MBOAT7: variants seen among roughly 807,000 people sequenced by gnomAD.
MBOAT7 encodes membrane bound acylglycerophosphatidylinositol O-acyltransferase MBOAT7, also known as membrane-bound acylglycerophosphatidylinositol O-acyltransferase MBOAT7.
A neutral mutation model predicts 47.4 loss-of-function variants in MBOAT7; 40 were observed. That is an observed-to-expected ratio of 0.84 (90% CI 0.66 to 1.10). MBOAT7 has a LOEUF of 1.10. MBOAT7 is among the 50% of genes least tolerant of loss of function. MBOAT7 has a pLI of 0.00. For missense variants in MBOAT7, 680 were observed against 655.6 expected (o/e 1.04, Z -0.41); for synonymous variants, 361 against 292.0 (o/e 1.24, Z -2.41).
intron 6 of MBOAT7, chr19:54,179,995 A>G (rs1292995810): frequency 6.6e-6 from 1 of 152,236 alleles, no homozygotes. Flanking sequence ...AAGAGAGTCC[A>G]CAGCTATGGC....
intron 7 of MBOAT7, chr19:54,178,126 G>C: frequency 1.9e-6 from 1 of 519,822 alleles, no homozygotes; most frequent in Non-Finnish European, 2.5e-6. Context: ...TGGTCAGGCT[G>C]GTCTCGAACT....
chr19:54,175,068 C>T (rs1195079178), intron 7 of MBOAT7, among the ~76,000 whole-genome samples: 1 of 151,632 alleles, frequency 6.6e-6, no homozygotes, highest in Admixed American at 6.6e-5. Flanking sequence ...CTCCGCCTCC[C>T]AGGTTCACGC....
Position 54,175,969 on chromosome 19 carries a change from C to T in MBOAT7, c.1032-1538G>A, listed in dbSNP as rs369058336. Among the ~76,000 whole-genome samples, 52 of 152,266 alleles carry T rather than the reference C, an allele frequency of 3.4e-4. No homozygotes were observed. In the East Asian group the frequency reaches 5.2e-3, roughly 15 times the overall value. On this transcript the variant is annotated intron_variant, in intron 7 of 7. Coordinates refer to ENST00000245615, the MANE Select transcript of MBOAT7 (RefSeq NM_024298.5). Reference sequence around the variant, plus strand: ...CAATCTCTTGACCTTGTGATCCACCCGCCGTGGCCTACCAAAGTGCTGGGA... The same window carrying T: ...CAATCTCTTGACCTTGTGATCCACCTGCCGTGGCCTACCAAAGTGCTGGGA...
chr19:54,177,264 TTAA>T (rs2146968817), intron 7 of MBOAT7, among the ~76,000 whole-genome samples: 1 of 152,120 alleles, frequency 6.6e-6, no homozygotes, highest in Admixed American at 6.6e-5. Flanking sequence ...TTAAATTAAA[TTAA>T]TAATTATTTT....
intron 4 of MBOAT7, 198 bp downstream of exon 4, chr19:54,186,963 G>A (rs565002642): frequency 3.1e-6 from 2 of 651,980 alleles, no homozygotes; most frequent in South Asian, 2.0e-5. Context: ...CCTCACCCCA[G>A]GAGGAGCTGG....
intron 7 of MBOAT7, among the ~76,000 whole-genome samples, chr19:54,177,193 CCTT>C (rs2076132323): frequency 1.2e-5 from 1 of 83,434 alleles, no homozygotes; most frequent in African/African-American, 4.5e-5. Context: ...ATAATAATAT[CCTT>C]CTTACTCCCA....
chr19:54,180,755 T>A lies in MBOAT7; in HGVS notation c.854+18A>T. On this transcript the variant is annotated intron_variant, in intron 6 of 7. Transcript: ENST00000245615. The surrounding 1 kb of genome is among the most constrained non-coding windows in gnomAD (Gnocchi z 5.2). Reference sequence around the variant, plus strand: ...GGGGGCTGCTGGGTCTTGGGAAGCCTCCCTCGCGCCGCCTGACCTGCTGGG... The same window carrying A: ...GGGGGCTGCTGGGTCTTGGGAAGCCACCCTCGCGCCGCCTGACCTGCTGGG... The A allele has an allele frequency of 2.6e-5, 38 of 1,449,898 alleles. No individual in the cohort carries two copies. The highest frequency in any genetic ancestry group is 7.1e-5 in the Admixed American group (3 of 42,484). The allele number at this position is 1,449,898 out of a possible 1,614,324, so 89.8% of individuals were successfully genotyped here.
rs143418986 is a variant in MBOAT7 at position 54,174,452 on chromosome 19, C to T, written c.1032-21G>A. On this transcript the variant is annotated intron_variant, in intron 7 of 7. Transcript: ENST00000245615. ...CGCTCCTGAGGAGGAGGCTGGGAGT[C>T]AGGACCTACGAGTCCAGGTCCCCAG... The T allele has an allele frequency of 5.6e-4, 851 of 1,512,014 alleles. 4 individuals carry two copies. The African/African-American group carries it at 0.01, about 18-fold the overall frequency. The allele number at this position is 1,512,014 out of a possible 1,614,324, so 93.7% of individuals were successfully genotyped here.
At position 54,174,290 on chromosome 19, in the gene MBOAT7, GCCCCCTGGGCTC is replaced by G. The variant is rs774164462; in HGVS notation, c.1161_1172del (p.Ser388_Gly391del). 2 of 1,612,718 alleles carry G rather than the reference GCCCCCTGGGCTC, an allele frequency of 1.2e-6. No individual in the cohort carries two copies. Among genetic ancestry groups the G allele is most frequent in the Non-Finnish European group, 1.7e-6 (2 of 1,179,284 alleles). ...AGTGCACCCAGTCCCAGGCCTTCTG[GCCCCCTGGGCTC>G]AGCCGCCCCCGCAGGGCTGACTCCA... On this transcript the variant is annotated inframe_deletion, in exon 8 of 8. Transcript: ENST00000245615.
rs201515587 is a variant in MBOAT7 at position 54,180,934 on chromosome 19, G to A, written c.693C>T (p.Leu231=). The change falls in exon 6 of 8, where the codon CTC becomes CTT. Residue 231 remains leucine, a synonymous_variant. Transcript: ENST00000245615. The surrounding 1 kb of genome is among the most constrained non-coding windows in gnomAD (Gnocchi z 5.2). ...AFYARPLPAR[L]FYMIPVFFAF... ...CGAAGAAGACGGGGATCATGTAGAA[G>A]AGGCGGGCGGGCAGCGGGCGGGCGT... is the stretch of plus-strand genomic sequence containing the variant. 8.8e-6 allele frequency: 14 copies of A among 1,593,640 alleles called. No homozygotes were observed. The highest frequency in any genetic ancestry group is 2.3e-5 in the East Asian group (1 of 44,156).
chr19:54,175,168 C>A lies in MBOAT7; in HGVS notation c.1032-737G>T, dbSNP rs8111894. On this transcript the variant is annotated intron_variant, in intron 7 of 7. Coordinates refer to ENST00000245615, the MANE Select transcript of MBOAT7 (RefSeq NM_024298.5). ...TTTTCTTTTCTATTTTTAGTAGAGA[C>A]GGGGTTTCACCGTGTTAGCCAGGAT... is the stretch of plus-strand genomic sequence containing the variant. Among the ~76,000 whole-genome samples the A allele has an allele frequency of 2.8e-3, 423 of 151,906 alleles. 1 individual carries two copies. The highest frequency in any genetic ancestry group is 4.3e-3 in the Non-Finnish European group (294 of 67,918).
chr19:54,185,369 C>A (rs955201129), intron 4 of MBOAT7, among the ~76,000 whole-genome samples: 1 of 152,080 alleles, frequency 6.6e-6, no homozygotes, highest in African/African-American at 2.4e-5. Context: ...CTACACAACC[C>A]TTTTTCCATC....
chr19:54,176,919 T>C (rs906996375), intron 7 of MBOAT7, among the ~76,000 whole-genome samples: 3 of 151,650 alleles, frequency 2.0e-5, no homozygotes, highest in Non-Finnish European at 4.4e-5. Flanking sequence ...AAAAAAATAA[T>C]AATAATACTT....
Position 54,174,384 on chromosome 19 carries a change from G to A in MBOAT7, c.1079C>T (p.Pro360Leu), listed in dbSNP as rs367678834. ...LLSAYWHGLH[P>L]GYYLSFLTIP... ...GGTCAGGAAGCTCAGGTAGTAGCCC[G>A]GGTGGAGGCCGTGCCAGTAGGCGCT... Residue 360 changes from proline (P) to leucine (L), a missense_variant, in exon 8 of 8, where the codon CCG (proline) becomes CTG (leucine). Transcript: ENST00000245615. 10 of 1,605,256 alleles carry A rather than the reference G, an allele frequency of 6.2e-6. No individual in the cohort carries two copies. Among genetic ancestry groups the A allele is most frequent in the Non-Finnish European group, 6.8e-6 (8 of 1,175,804 alleles).
chr19:54,178,984 A>T (rs2076194699), intron 6 of MBOAT7, 43 bp from the exon 7 acceptor site: 1 of 1,601,962 alleles, frequency 6.2e-7, no homozygotes, highest in African/African-American at 1.3e-5. Flanking sequence ...CATGCAGCTC[A>T]GCCAGGCCCC....
Position 54,188,295 on chromosome 19 carries a change from AG to A in MBOAT7, c.127del (p.Leu43CysfsTer66), listed in dbSNP as rs773436613. The A allele has an allele frequency of 1.2e-6, 2 of 1,613,882 alleles. No individual in the cohort carries two copies. On this transcript the variant is annotated frameshift_variant, in exon 3 of 8. Transcript: ENST00000245615. LOFTEE classifies it high-confidence loss of function. ...GAAAVGLGLT[L>X]FTCGPHTLHS... ...CAAAGTGTGGGGGCCACAGGTGAAC[AG>A]GGTGAGCCCCAGGCCCACAGCGGCT...
rs540139313 is a variant in MBOAT7 at position 54,187,406 on chromosome 19, C to T, written c.207-119G>A. ...CTCCCCATTCGTTTAGAGACAGAAA[C>T]ACAGAAGGGCAGAGAGGACAGGAGG... On this transcript the variant is annotated intron_variant, in intron 3 of 7. Transcript: ENST00000245615. 69 of 1,282,970 alleles carry T rather than the reference C, an allele frequency of 5.4e-5. No individual in the cohort carries two copies. In the South Asian group the frequency reaches 1.0e-3, roughly 19 times the overall value. The allele number at this position is 1,282,970 out of a possible 1,614,324, so 79.5% of individuals were successfully genotyped here. A position where few individuals can be genotyped will look rare whatever the true frequency, so the allele number is the denominator to read the frequency against.
intron 7 of MBOAT7, among the ~76,000 whole-genome samples, chr19:54,177,615 C>T (rs2076144629): frequency 6.6e-6 from 1 of 151,014 alleles, no homozygotes; most frequent in African/African-American, 2.4e-5. Flanking sequence ...TATTTTGAGA[C>T]AAAGTCTCTC....
chr19:54,178,271 A>C, intron 7 of MBOAT7: 1 of 997,506 alleles, frequency 1.0e-6, no homozygotes, highest in Non-Finnish European at 1.2e-6. Flanking sequence ...CCACTCGAGA[A>C]ATATTGGAAG....
Sources: allele counts gnomAD v4.1 joint callset (sites outside exome capture counted in the v4.1 genomes callset), GRCh38; gene constraint gnomAD v4.1.1; non-coding constraint Gnocchi (gnomAD v3.1); transcripts MANE v1.5; gene names NCBI Gene and HGNC (gene_info 2026-07-23, HGNC 2026-07-21).